Variants in RSRC1 observed in about 807,000 individuals in gnomAD.
RSRC1 encodes the protein arginine and serine rich coiled-coil 1, also known as serine/Arginine-related protein 53.
A neutral mutation model predicts 49.1 loss-of-function variants in RSRC1; 39 were observed. That is an observed-to-expected ratio of 0.79 (90% CI 0.61 to 1.04). The LOEUF (loss-of-function observed/expected upper bound fraction) is 1.04. RSRC1 is among the 50% of genes least tolerant of loss of function. The pLI, the probability that RSRC1 is intolerant of heterozygous loss-of-function variation, is 0.00. For missense variants in RSRC1, 388 were observed against 402.4 expected (o/e 0.96, Z 0.31); for synonymous variants, 143 against 130.8 (o/e 1.09, Z -0.63).
chr3:158,180,172 C>T (rs73164098), intron 3 of RSRC1, among the ~76,000 whole-genome samples: 9,186 of 152,004 alleles, frequency 0.06, 392 homozygotes, highest in Middle Eastern at 0.13. Context: ...TTTTCATCCT[C>T]TTCACAGAGT....
chr3:158,411,800 G>GT (rs1734478654), intron 6 of RSRC1, among the ~76,000 whole-genome samples: 1 of 151,982 alleles, frequency 6.6e-6, no homozygotes, highest in South Asian at 2.1e-4. Flanking sequence ...CCATTTTAGT[G>GT]TTTGTTTGTT....
At chr3:158,234,129 TGTC>T (rs904296236) in intron 4 of RSRC1, among the ~76,000 whole-genome samples, 6 of 152,158 alleles carry the variant, frequency 3.9e-5, no homozygotes, top group Non-Finnish European at 8.8e-5. Context: ...AAAATAAGGT[TGTC>T]ATATTGATTA....
At chr3:158,469,836 A>G (rs557829321) in intron 7 of RSRC1, 1 of 152,258 alleles carries the variant, frequency 6.6e-6, no homozygotes, top group South Asian at 2.1e-4. Flanking sequence ...CTAATTACCT[A>G]TTAACGGAAA....
At chr3:158,299,480 C>T (rs982783755) in intron 5 of RSRC1, among the ~76,000 whole-genome samples, 1 of 151,636 alleles carries the variant, frequency 6.6e-6, no homozygotes, top group Non-Finnish European at 1.5e-5. Flanking sequence ...TTACAGGTGC[C>T]CGTCACCACA....
In RSRC1 at chr3:158,155,598, C is replaced by CTT. The variant is rs34972266; in HGVS notation, c.320+31622_320+31623dup. Among the ~76,000 whole-genome samples, 1,170 of 133,876 alleles carry CTT rather than the reference C, an allele frequency of 8.7e-3. 24 individuals are homozygous for CTT. Among genetic ancestry groups the CTT allele is most frequent in the African/African-American group, 0.027 (960 of 35,458 alleles). The allele number at this position is 133,876 out of a possible 152,430, so 87.8% of individuals were successfully genotyped here. ...AGGAATGCACCACCAAGCCTAGCTA[C>CTT]TTTTTTTTTTTTTTTTGTATTTTTT... On this transcript the variant is annotated intron_variant, in intron 3 of 9. Transcript: ENST00000611884.
At chr3:158,419,448 A>G (rs1300189893) in intron 6 of RSRC1, among the ~76,000 whole-genome samples, 3 of 151,958 alleles carry the variant, frequency 2.0e-5, no homozygotes, top group Non-Finnish European at 4.4e-5. Context: ...ATTTGCAACC[A>G]GAAACTTGAG....
chr3:158,309,761 C>A (rs1183324528), intron 5 of RSRC1, among the ~76,000 whole-genome samples: 1 of 151,694 alleles, frequency 6.6e-6, no homozygotes, highest in Non-Finnish European at 1.5e-5. Flanking sequence ...AAGCTTTAAT[C>A]TAAAACATTA....
intron 1 of RSRC1, among the ~76,000 whole-genome samples, chr3:158,118,016 G>A (rs1001202434): frequency 2.6e-5 from 4 of 151,952 alleles, no homozygotes; most frequent in Admixed American, 2.0e-4. Flanking sequence ...GTGGCACAAT[G>A]TTGGCTCACT....
chr3:158,355,001 CTATTTT>C, intron 6 of RSRC1, 93 bp downstream of exon 6: 2 of 746,506 alleles, frequency 2.7e-6, no homozygotes, highest in Non-Finnish European at 2.1e-6. Flanking sequence ...AAAAAAAACA[CTATTTT>C]TATATATCCT....
At chr3:158,449,377 GAGA>G (rs1389210955) in intron 6 of RSRC1, among the ~76,000 whole-genome samples, 24 of 151,880 alleles carry the variant, frequency 1.6e-4, no homozygotes, top group African/African-American at 5.8e-4. Flanking sequence ...TATGTTACAG[GAGA>G]AGAATAGTTT....
At chr3:158,432,844 A>G (rs193103490) in intron 6 of RSRC1, among the ~76,000 whole-genome samples, 15 of 152,058 alleles carry the variant, frequency 9.9e-5, no homozygotes, top group Admixed American at 8.5e-4. Flanking sequence ...TAAAATGAAG[A>G]CATTTATCTA....
chr3:158,534,822 T>G (rs1712626846), intron 7 of RSRC1, among the ~76,000 whole-genome samples: 1 of 151,384 alleles, frequency 6.6e-6, no homozygotes, highest in Non-Finnish European at 1.5e-5. Context: ...TGAAGAAATA[T>G]TAAGTGAAAA....
At chr3:158,472,650 T>C (rs2108423642) in intron 7 of RSRC1, among the ~76,000 whole-genome samples, 1 of 152,292 alleles carries the variant, frequency 6.6e-6, no homozygotes. Flanking sequence ...TTTTGAGAAG[T>C]GTCTGTTCAT....
At chr3:158,485,536 C>T (rs143443947) in intron 7 of RSRC1, among the ~76,000 whole-genome samples, 2,959 of 152,176 alleles carry the variant, frequency 0.019, 40 homozygotes, top group Non-Finnish European at 0.031. Context: ...AATTAAAACC[C>T]ATGTGGCTAG....
intron 4 of RSRC1, among the ~76,000 whole-genome samples, chr3:158,297,780 G>A (rs1307426190): frequency 6.6e-6 from 1 of 151,858 alleles, no homozygotes. Context: ...ATAAAATGAT[G>A]TTTGTGAGTT....
chr3:158,526,251 C>T (rs971317336), intron 7 of RSRC1, among the ~76,000 whole-genome samples: 5 of 151,800 alleles, frequency 3.3e-5, no homozygotes, highest in South Asian at 2.1e-4. Context: ...AAAATAAGCA[C>T]GTAAAATCAT....
At chr3:158,203,721 G>A (rs527433735) in intron 4 of RSRC1, among the ~76,000 whole-genome samples, 1 of 152,126 alleles carries the variant, frequency 6.6e-6, no homozygotes, top group Non-Finnish European at 1.5e-5. Flanking sequence ...GCCTTTTTTA[G>A]TATAGAATGG....
intron 4 of RSRC1, among the ~76,000 whole-genome samples, chr3:158,263,104 A>G (rs1038623933): frequency 6.6e-6 from 1 of 152,122 alleles, no homozygotes; most frequent in African/African-American, 2.4e-5. Flanking sequence ...TCTATGTCTT[A>G]CTTATGATCT....
At chr3:158,478,527 TAA>T (rs1031236980) in intron 7 of RSRC1, among the ~76,000 whole-genome samples, 4 of 146,602 alleles carry the variant, frequency 2.7e-5, no homozygotes, top group Non-Finnish European at 6.1e-5. Flanking sequence ...CCCCCCAAAT[TAA>T]GTTATAGTTT....
Sources: gnomAD v4.1 joint callset for allele counts (sites outside exome capture counted in the v4.1 genomes callset) on GRCh38, gnomAD v4.1.1 for gene constraint, MANE v1.5 for transcripts, NCBI Gene and HGNC (gene_info 2026-07-23, HGNC 2026-07-21) for gene names.